ASB5: variants seen among roughly 807,000 people sequenced by gnomAD.
The protein encoded by ASB5 is ankyrin repeat and SOCS box protein 5.
A neutral mutation model predicts 42.1 loss-of-function variants in ASB5; 45 were observed. That is an observed-to-expected ratio of 1.07 (90% CI 0.84 to 1.37). The LOEUF (loss-of-function observed/expected upper bound fraction) is 1.37. ASB5 is among the 40% of genes most tolerant of loss of function. ASB5 has a pLI of 0.00. For synonymous variants in ASB5, 147 were observed against 150.6 expected (o/e 0.98, Z 0.18); for missense variants, 402 against 399.8 (o/e 1.01, Z -0.05).
chr4:176,258,733 G>T (rs1357894182), intron 1 of ASB5, among the ~76,000 whole-genome samples: 1 of 152,108 alleles, frequency 6.6e-6, no homozygotes, highest in Admixed American at 6.5e-5. Flanking sequence ...AACCAGGTTT[G>T]TAGTCATTTT....
intron 1 of ASB5, among the ~76,000 whole-genome samples, chr4:176,243,932 G>C (rs937520927): frequency 1.3e-5 from 2 of 151,994 alleles, no homozygotes; most frequent in Non-Finnish European, 2.9e-5. Flanking sequence ...GTTTTAGACA[G>C]GACATTTCTA....
intron 1 of ASB5, among the ~76,000 whole-genome samples, chr4:176,252,085 A>AAG (rs1560817980): frequency 1.5e-3 from 46 of 30,442 alleles, no homozygotes; most frequent in African/African-American, 3.7e-3. Context: ...AAAAAAAAAG[A>AAG]AAAAAAAAAA....
chr4:176,250,733 C>T (rs1020070671), intron 1 of ASB5, among the ~76,000 whole-genome samples: 6 of 152,136 alleles, frequency 3.9e-5, no homozygotes, highest in East Asian at 3.8e-4. Flanking sequence ...ACGCCACGTG[C>T]GAACAAATCT....
chr4:176,220,023 G>A (rs6810731), intron 5 of ASB5, among the ~76,000 whole-genome samples: 57,655 of 151,832 alleles, frequency 0.38, 11,198 homozygotes, highest in Non-Finnish European at 0.43. Flanking sequence ...GATAGCTGAT[G>A]AGCTAAAACA....
chr4:176,255,459 C>T (rs973369237), intron 1 of ASB5, among the ~76,000 whole-genome samples: 4 of 152,186 alleles, frequency 2.6e-5, no homozygotes, highest in African/African-American at 9.7e-5. Context: ...TGGATTCAAC[C>T]TAGATGCTCA....
chr4:176,237,940 G>A (rs1753725657), intron 1 of ASB5, among the ~76,000 whole-genome samples: 1 of 152,094 alleles, frequency 6.6e-6, no homozygotes, highest in Non-Finnish European at 1.5e-5. Context: ...TGTGCCTTAG[G>A]GCTGGGCGTG....
chr4:176,248,473 C>A (rs1343241622), intron 1 of ASB5, among the ~76,000 whole-genome samples: 1 of 152,118 alleles, frequency 6.6e-6, no homozygotes, highest in Non-Finnish European at 1.5e-5. Flanking sequence ...TCATAACCTG[C>A]TGGGGTTTCA....
In ASB5 at chr4:176,225,271, T is replaced by C. The variant is rs1561254232; in HGVS notation, c.267A>G (p.Leu89=). Residue 89 remains leucine (L), a synonymous_variant, in exon 2 of 7, where the codon TTA becomes TTG. Transcript: ENST00000296525. ...ATATGTAATATATTACCTGTGATAA[T>C]AATGTTCTCAGAGCAAGAAGGCGAC... The part of the protein sequence containing the change: ...SQGRLLALRT[L]LSQGYNVNAV... 6.2e-7 allele frequency: 1 copy of C among 1,612,252 alleles called. No individual in the cohort carries two copies. The highest frequency in any genetic ancestry group is 2.2e-5 in the East Asian group (1 of 44,866).
chr4:176,242,325 T>A (rs1053611144), intron 1 of ASB5, among the ~76,000 whole-genome samples: 1 of 152,198 alleles, frequency 6.6e-6, no homozygotes, highest in African/African-American at 2.4e-5. Flanking sequence ...GTGGTTCACA[T>A]ACTAGAAATA....
chr4:176,257,846 C>T (rs1754184606), intron 1 of ASB5, among the ~76,000 whole-genome samples: 1 of 152,156 alleles, frequency 6.6e-6, no homozygotes, highest in Non-Finnish European at 1.5e-5. Context: ...CCCGAAAAAA[C>T]TGACAACTTA....
In ASB5 at chr4:176,251,554, T is replaced by C. The variant is rs1445004495; in HGVS notation, c.196+17359A>G. 3.6e-5 allele frequency among the ~76,000 whole-genome samples: 2 copies of C among 56,108 alleles called. 1 individual carries two copies. Among genetic ancestry groups the C allele is most frequent in the East Asian group, 9.6e-4 (2 of 2,094 alleles). 36.8% of individuals were successfully genotyped at this position (56,108 alleles called of 152,430 possible). On this transcript the variant is annotated intron_variant, in intron 1 of 6. Transcript: ENST00000296525. ...TCCAGCCTGGGCGACACAGTGAGAC[T>C]CTGTCTCATTAAAAAAAAAAAAAAA...
chr4:176,258,565 T>A (rs890961589), intron 1 of ASB5, among the ~76,000 whole-genome samples: 3 of 152,218 alleles, frequency 2.0e-5, no homozygotes, highest in African/African-American at 7.2e-5. Flanking sequence ...TCTACTTTTC[T>A]TGTAGCCCGT....
At chr4:176,228,691 G>A (rs6835436) in intron 1 of ASB5, among the ~76,000 whole-genome samples, 140,401 of 152,284 alleles carry the variant, frequency 0.92, 64,866 homozygotes, top group African/African-American at 0.94. Context: ...ATGCACACCA[G>A]CAAATATTTT....
intron 1 of ASB5, among the ~76,000 whole-genome samples, chr4:176,229,458 G>A (rs925011815): frequency 6.6e-6 from 1 of 152,122 alleles, no homozygotes; most frequent in African/African-American, 2.4e-5. Context: ...CAAAATGATT[G>A]TATTAGTCTT....
intron 1 of ASB5, chr4:176,276,046 A>T (rs926519503): frequency 2.0e-5 from 3 of 152,210 alleles, no homozygotes; most frequent in Non-Finnish European, 2.9e-5. Flanking sequence ...AGTAAAACAT[A>T]AACTAAGTTC....
At chr4:176,221,074 A>G in intron 5 of ASB5, 81 bp downstream of exon 5, 1 of 1,419,160 alleles carries the variant, frequency 7.0e-7, no homozygotes, top group Non-Finnish European at 9.3e-7. Flanking sequence ...ATGAGATCTA[A>G]TTTTTAAAGA....
intron 1 of ASB5, 27 bp downstream of exon 1, chr4:176,268,886 A>G: frequency 6.6e-7 from 1 of 1,518,392 alleles, no homozygotes; most frequent in East Asian, 2.4e-5. Flanking sequence ...CTCCACTTGA[A>G]ACAAGAGAGG....
intron 1 of ASB5, among the ~76,000 whole-genome samples, chr4:176,262,402 G>GA (rs1450911527): frequency 2.6e-5 from 4 of 152,174 alleles, no homozygotes; most frequent in African/African-American, 7.2e-5. Flanking sequence ...ATTGAGAAGT[G>GA]AAAAAGTTGG....
intron 1 of ASB5, among the ~76,000 whole-genome samples, chr4:176,240,687 A>G (rs1579324207): frequency 6.6e-6 from 1 of 152,362 alleles, no homozygotes; most frequent in East Asian, 1.9e-4. Flanking sequence ...GACAATTTTT[A>G]AAGCTAAAAA....
Sources: gnomAD v4.1 joint callset for allele counts (sites outside exome capture counted in the v4.1 genomes callset) on GRCh38, gnomAD v4.1.1 for gene constraint, MANE v1.5 for transcripts, NCBI Gene and HGNC (gene_info 2026-07-23, HGNC 2026-07-21) for gene names.